KIAA0513: variants seen among roughly 807,000 people sequenced by gnomAD.
The protein encoded by KIAA0513 is uncharacterized protein KIAA0513.
Under a neutral mutation model 56.5 loss-of-function variants are expected in KIAA0513, and 39 were observed. That is an observed-to-expected ratio of 0.69 (90% confidence interval 0.53 to 0.90). The LOEUF (loss-of-function observed/expected upper bound fraction) is 0.90. KIAA0513 is among the 40% of genes least tolerant of loss of function. The pLI is 0.00. For synonymous variants in KIAA0513, 268 were observed against 215.6 expected (o/e 1.24, Z -2.13); for missense variants, 591 against 535.2 (o/e 1.10, Z -1.03).
intron 12 of KIAA0513, among the ~76,000 whole-genome samples, chr16:85,087,720 C>G (rs574393637): frequency 1.6e-4 from 25 of 152,298 alleles, no homozygotes; most frequent in African/African-American, 5.8e-4. Flanking sequence ...TCTTCTTCAT[C>G]GAAAAGGACT....
chr16:85,046,958 C>T (rs530980438), intron 1 of KIAA0513, among the ~76,000 whole-genome samples: 3 of 152,152 alleles, frequency 2.0e-5, no homozygotes, highest in Admixed American at 1.3e-4. Flanking sequence ...TTTTCCCATG[C>T]GAGTTGAGGA....
At chr16:85,046,015 G>A (rs2073165987) in intron 1 of KIAA0513, among the ~76,000 whole-genome samples, 1 of 152,194 alleles carries the variant, frequency 6.6e-6, no homozygotes, top group South Asian at 2.1e-4. Flanking sequence ...GTCGCAGGGG[G>A]TGGGTCGTGC....
At chr16:85,071,755 T>TA (rs1377597950) in intron 2 of KIAA0513, 28 bp from the exon 3 acceptor site, 64 of 1,513,908 alleles carry the variant, frequency 4.2e-5, no homozygotes, top group Non-Finnish European at 5.6e-5. Context: ...TTTTTTTTTT[T>TA]TCCTCTGCTC....
chr16:85,055,669 C>T (rs2073318296), intron 1 of KIAA0513, among the ~76,000 whole-genome samples: 5 of 152,164 alleles, frequency 3.3e-5, no homozygotes, highest in Admixed American at 1.3e-4. Context: ...CACCTACTGA[C>T]ATGGATATCT....
intron 1 of KIAA0513, among the ~76,000 whole-genome samples, chr16:85,030,213 G>A (rs1181461155): frequency 6.6e-6 from 1 of 152,156 alleles, no homozygotes; most frequent in Non-Finnish European, 1.5e-5. Context: ...AAGTATGATT[G>A]CAAAGAGCGT....
intron 1 of KIAA0513, among the ~76,000 whole-genome samples, chr16:85,028,710 T>C (rs534235618): frequency 1.3e-5 from 2 of 151,790 alleles, no homozygotes; most frequent in Admixed American, 6.6e-5. Context: ...AAAAAAGACT[T>C]TACAGGGGCA....
intron 1 of KIAA0513, among the ~76,000 whole-genome samples, chr16:85,060,707 G>A (rs1046276695): frequency 1.3e-5 from 2 of 152,038 alleles, no homozygotes; most frequent in African/African-American, 4.8e-5. Flanking sequence ...AGCCAGGTGT[G>A]GTAGCACATG....
chr16:85,074,548 G>A (rs2073629195), intron 4 of KIAA0513, among the ~76,000 whole-genome samples: 1 of 152,032 alleles, frequency 6.6e-6, no homozygotes, highest in Non-Finnish European at 1.5e-5. Flanking sequence ...CTTTGAACTT[G>A]GGCATATACT....
rs377415733 is a variant in KIAA0513 at position 85,073,011 on chromosome 16, G to A, written c.503+13G>A. 1.3e-4 allele frequency: 209 copies of A among 1,608,782 alleles called. No homozygotes were observed. The highest frequency in any genetic ancestry group is 1.6e-4 in the Non-Finnish European group (186 of 1,175,572). On this transcript the variant is annotated intron_variant, in intron 4 of 12. Coordinates refer to ENST00000683363, the MANE Select transcript of KIAA0513 (RefSeq NM_001388359.1). ...TGGTGCTGTTCGAGTAAGTAATGCC[G>A]TGGCACAAAGCCTTTGTCCTGGCAA...
intron 8 of KIAA0513, 58 bp downstream of exon 8, chr16:85,079,061 C>A (rs1342009054): frequency 8.1e-6 from 13 of 1,613,138 alleles, no homozygotes; most frequent in South Asian, 1.1e-5. Context: ...AGCAGTCACT[C>A]CCCGGGATCA....
rs375826452 is a variant in KIAA0513 at position 85,093,000 on chromosome 16, G to A, written c.*4675G>A. ...CCTGCCTTCTGCGCCTCAGTCCCCC[G>A]TGCATCCCTGGGCCTGGGTATCACA... is the stretch of plus-strand genomic sequence containing the variant. On this transcript the variant is annotated 3_prime_UTR_variant, in exon 13 of 13. Transcript: ENST00000683363. 2 of 152,304 alleles carry A rather than the reference G, an allele frequency of 1.3e-5. No individual in the cohort carries two copies. The highest frequency in any genetic ancestry group is 4.8e-5 in the African/African-American group (2 of 41,438). The allele number at this position is 152,304 out of a possible 1,614,324, so 9.4% of individuals were successfully genotyped here.
At chr16:85,085,739 C>T (rs1180449989) in intron 10 of KIAA0513, among the ~76,000 whole-genome samples, 2 of 152,210 alleles carry the variant, frequency 1.3e-5, no homozygotes, top group African/African-American at 4.8e-5. Context: ...GAGGGATTAA[C>T]AGCACTCCCG....
intron 1 of KIAA0513, among the ~76,000 whole-genome samples, chr16:85,065,022 AG>A (rs1211470971): frequency 6.6e-6 from 1 of 152,056 alleles, no homozygotes; most frequent in African/African-American, 2.4e-5. Flanking sequence ...TGCCTATTTG[AG>A]TGGTTTGTGT....
chr16:85,036,830 G>C (rs748135485), intron 1 of KIAA0513, among the ~76,000 whole-genome samples: 1 of 152,150 alleles, frequency 6.6e-6, no homozygotes, highest in African/African-American at 2.4e-5. Flanking sequence ...CATGTAACAC[G>C]GGATCTTCAT....
At chr16:85,054,421 CTTT>C (rs398042273) in intron 1 of KIAA0513, among the ~76,000 whole-genome samples, 1 of 119,536 alleles carries the variant, frequency 8.4e-6, no homozygotes, top group Non-Finnish European at 1.7e-5. Flanking sequence ...TTTTTCTTTT[CTTT>C]TTTTTTTTTT....
At chr16:85,028,905 G>A (rs906491946) in intron 1 of KIAA0513, among the ~76,000 whole-genome samples, 1 of 152,174 alleles carries the variant, frequency 6.6e-6, no homozygotes, top group African/African-American at 2.4e-5. Flanking sequence ...GCCAGCCTGC[G>A]ACTCGATGTT....
chr16:85,044,516 T>TA (rs1022966614), intron 1 of KIAA0513, among the ~76,000 whole-genome samples: 1 of 151,726 alleles, frequency 6.6e-6, no homozygotes, highest in African/African-American at 2.4e-5. Flanking sequence ...TTTTATTTTT[T>TA]TTTTTTTTTG....
intron 1 of KIAA0513, among the ~76,000 whole-genome samples, chr16:85,041,320 G>C (rs2073101148): frequency 6.6e-6 from 1 of 152,160 alleles, no homozygotes; most frequent in Non-Finnish European, 1.5e-5. Flanking sequence ...TTGTATGACT[G>C]ACAGGCTCAG....
At chr16:85,087,281 C>T (rs1433127192) in intron 12 of KIAA0513, 115 bp downstream of exon 12, 13 of 828,612 alleles carry the variant, frequency 1.6e-5, no homozygotes, top group East Asian at 1.2e-4. Context: ...CAGTCGGAAA[C>T]GTGGTGCTGA....
Sources: allele counts gnomAD v4.1 joint callset (sites outside exome capture counted in the v4.1 genomes callset), GRCh38; gene constraint gnomAD v4.1.1; transcripts MANE v1.5; gene names NCBI Gene and HGNC (gene_info 2026-07-23, HGNC 2026-07-21).